The following KCNQ2 variants were observed in gnomAD, a reference collection of about 807,000 sequenced individuals.
The protein encoded by KCNQ2 is potassium voltage-gated channel subfamily KQT member 2.
Under a neutral mutation model 84.8 loss-of-function variants are expected in KCNQ2, and 14 were observed. That is an observed-to-expected ratio of 0.17 (90% confidence interval 0.11 to 0.26). The LOEUF (loss-of-function observed/expected upper bound fraction) is 0.26. Ranked by LOEUF, KCNQ2 falls within the 10% of genes least tolerant of loss-of-function variation. The pLI, the probability that KCNQ2 is intolerant of heterozygous loss-of-function variation, is 1.00. For synonymous variants in KCNQ2, 599 were observed against 554.1 expected (o/e 1.08, Z -1.14); for missense variants, 788 against 1,254.0 (o/e 0.63, Z 5.61).
chr20:63,408,663 G>A lies in KCNQ2; in HGVS notation c.1764-127C>T. 2.1e-6 allele frequency: 3 copies of A among 1,421,752 alleles called. No homozygotes were observed. The highest frequency in any genetic ancestry group is 1.9e-6 in the Non-Finnish European group (2 of 1,042,342). The allele number at this position is 1,421,752 out of a possible 1,614,324, so 88.1% of individuals were successfully genotyped here. Reference sequence around the variant, plus strand: ...CAGGCTCAGCCCAGAGCCGACCAGGGGGCAGTGGGTGCCAGGACAGATGGA... The same window carrying A: ...CAGGCTCAGCCCAGAGCCGACCAGGAGGCAGTGGGTGCCAGGACAGATGGA... On this transcript the variant is annotated intron_variant, in intron 15 of 16. Coordinates refer to ENST00000359125, the MANE Select transcript of KCNQ2 (RefSeq NM_172107.4). This position sits in a 1 kb window ranked among gnomAD's most constrained non-coding sequence, Gnocchi z 5.0.
intron 7 of KCNQ2, among the ~76,000 whole-genome samples, chr20:63,437,111 C>T (rs1600744961): frequency 6.6e-6 from 1 of 152,092 alleles, no homozygotes; most frequent in Non-Finnish European, 1.5e-5. Flanking sequence ...ACTGGGAAAC[C>T]ACGAAATTTG....
At chr20:63,450,239 T>C (rs1452924997) in intron 1 of KCNQ2, among the ~76,000 whole-genome samples, 3 of 146,538 alleles carry the variant, frequency 2.0e-5, no homozygotes, top group Admixed American at 2.0e-4. Context: ...CGGAGGGACC[T>C]AGACGAAACC....
chr20:63,432,308 AGAAGGCTCCACCCTCTGG>A (rs1343605618), intron 8 of KCNQ2, among the ~76,000 whole-genome samples: 2 of 74,340 alleles, frequency 2.7e-5, no homozygotes, highest in African/African-American at 1.1e-4. Flanking sequence ...CCACCCACAG[AGAAGGCTCCACCCTCTGG>A]GAAGGCTCCA....
At chr20:63,429,419 T>C (rs917152548) in intron 9 of KCNQ2, among the ~76,000 whole-genome samples, 11 of 152,044 alleles carry the variant, frequency 7.2e-5, no homozygotes, top group African/African-American at 2.7e-4. Context: ...GTCTCTCCTC[T>C]GCGTTGGAGG....
intron 11 of KCNQ2, among the ~76,000 whole-genome samples, chr20:63,421,343 G>A (rs1319466036): frequency 2.0e-5 from 3 of 152,332 alleles, no homozygotes; most frequent in South Asian, 4.1e-4. Context: ...ACAGCCACAT[G>A]TGGCTGGCAG....
At chr20:63,468,153 A>G (rs988669802) in intron 1 of KCNQ2, among the ~76,000 whole-genome samples, 9 of 152,004 alleles carry the variant, frequency 5.9e-5, no homozygotes, top group African/African-American at 2.2e-4. Flanking sequence ...GGGTCCAGGA[A>G]CCAGAGAAAT....
Position 63,446,973 on chromosome 20 carries a change from C to T in KCNQ2, c.297-136G>A. ...ATGGCCGCGTCTCCAGAACGCAGGACCCCACTCCCCACCCACCCCACCAGA... is the reference window on the plus strand; with the variant it reads ...ATGGCCGCGTCTCCAGAACGCAGGATCCCACTCCCCACCCACCCCACCAGA... On this transcript the variant is annotated intron_variant, in intron 1 of 16. Transcript: ENST00000359125. The surrounding 1 kb of genome is among the most constrained non-coding windows in gnomAD (Gnocchi z 5.5). The T allele has an allele frequency of 1.3e-6, 1 of 761,488 alleles. No individual in the cohort carries two copies. The highest frequency in any genetic ancestry group is 2.3e-6 in the Non-Finnish European group (1 of 437,962). The allele number at this position is 761,488 out of a possible 1,614,324, so 47.2% of individuals were successfully genotyped here. A position where few individuals can be genotyped will look rare whatever the true frequency, so the allele number is the denominator to read the frequency against.
Position 63,405,106 on chromosome 20 carries a change from T to G in KCNQ2, c.*1538A>C, listed in dbSNP as rs924060825. On this transcript the variant is annotated 3_prime_UTR_variant, in exon 17 of 17. Transcript: ENST00000359125. ...TCTCCCTCAGGACTGGTTCCCCTGC[T>G]GGCCTCAGGGCCTCAGGACCTCCCA... The G allele has an allele frequency of 6.6e-6, 1 of 152,286 alleles. No individual in the cohort carries two copies. The highest frequency in any genetic ancestry group is 1.5e-5 in the Non-Finnish European group (1 of 68,116). 9.4% of individuals were successfully genotyped at this position (152,286 alleles called of 1,614,324 possible). A position where few individuals can be genotyped will look rare whatever the true frequency, so the allele number is the denominator to read the frequency against.
intron 1 of KCNQ2, among the ~76,000 whole-genome samples, chr20:63,469,671 G>T (rs909302473): frequency 6.6e-6 from 1 of 152,266 alleles, no homozygotes; most frequent in African/African-American, 2.4e-5. Context: ...AGCCACAGCT[G>T]GGTGCGGCAG....
intron 1 of KCNQ2, among the ~76,000 whole-genome samples, chr20:63,454,499 G>C (rs746599786): frequency 1.3e-5 from 2 of 152,214 alleles, no homozygotes; most frequent in Admixed American, 6.5e-5. Context: ...TGCCTCGGCC[G>C]TGGCTCCAGG....
intron 1 of KCNQ2, among the ~76,000 whole-genome samples, chr20:63,455,597 G>A (rs1195618530): frequency 1.3e-5 from 2 of 152,206 alleles, no homozygotes; most frequent in African/African-American, 4.8e-5. Context: ...GTTGGGGCAG[G>A]GAGGGGCCCA....
Position 63,431,373 on chromosome 20 carries a change from T to C in KCNQ2, c.1119-4A>G, listed in dbSNP as rs749744963. The C allele has an allele frequency of 6.2e-7, 1 of 1,613,730 alleles. No homozygotes were observed. Among genetic ancestry groups the C allele is most frequent in the East Asian group, 2.2e-5 (1 of 44,870 alleles). ...CCCGTAGGTTTGAGTTTGCGAACTT[T>C]CAAGTGTTTCCACACACACAAAGGG... On this transcript the variant is annotated splice_region_variant and splice_polypyrimidine_tract_variant and intron_variant, in intron 8 of 16. Transcript: ENST00000359125.
chr20:63,431,437 A>T, intron 8 of KCNQ2, 68 bp from the exon 9 acceptor site: 1 of 1,532,456 alleles, frequency 6.5e-7, no homozygotes, highest in Admixed American at 1.7e-5. Flanking sequence ...GGATAAGAAA[A>T]AGAAAATGAA....
At chr20:63,465,365 G>C (rs952138044) in intron 1 of KCNQ2, among the ~76,000 whole-genome samples, 9 of 152,238 alleles carry the variant, frequency 5.9e-5, no homozygotes, top group African/African-American at 1.7e-4. Context: ...GGGCTTCTCA[G>C]GGCCCACCCG....
In KCNQ2 at chr20:63,433,871, CGA is replaced by C; in HGVS notation, c.1054_1055del (p.Ser352AlafsTer48). 6.2e-7 allele frequency: 1 copy of C among 1,613,736 alleles called. No individual in the cohort carries two copies. Among genetic ancestry groups the C allele is most frequent in the Non-Finnish European group, 8.5e-7 (1 of 1,179,888 alleles). ...SAWRFYATNL[S>X]RTDLHSTWQY... is the part of the protein sequence containing the mutation. ...GCCACGTGGAGTGCAGGTCTGTGCG[CGA>C]GAGGTTGGTGGCGTAGAATCTCCAG... On this transcript the variant is annotated frameshift_variant, in exon 8 of 17. Coordinates refer to ENST00000359125, the MANE Select transcript of KCNQ2 (RefSeq NM_172107.4). LOFTEE classifies it high-confidence loss of function.
intron 8 of KCNQ2, among the ~76,000 whole-genome samples, chr20:63,433,215 G>A (rs888159045): frequency 6.6e-6 from 1 of 152,230 alleles, no homozygotes; most frequent in Non-Finnish European, 1.5e-5. Context: ...TGCTAGCACT[G>A]CCTCGACAGG....
At chr20:63,411,503 T>C (rs2145522681) in intron 15 of KCNQ2, among the ~76,000 whole-genome samples, 1 of 152,122 alleles carries the variant, frequency 6.6e-6, no homozygotes, top group African/African-American at 2.4e-5. Context: ...CAGAGGGAAA[T>C]CTCACAGGGC....
At chr20:63,410,011 T>G in intron 15 of KCNQ2, 2 of 284,270 alleles carry the variant, frequency 7.0e-6, no homozygotes, top group Non-Finnish European at 1.4e-5. Flanking sequence ...ATCTTCTTTC[T>G]GTTGCGAGAA....
rs2079863487 is a variant in KCNQ2 at position 63,403,991 on chromosome 20, CTT to C, written c.*2651_*2652del. 6.6e-6 allele frequency: 1 copy of C among 152,380 alleles called. No individual in the cohort carries two copies. 9.4% of individuals were successfully genotyped at this position (152,380 alleles called of 1,614,324 possible). ...GGGGCCCAAGACAGACCCTCTACCC[CTT>C]TGTCTCCCAAAACAGGGCCCCGCAA... On this transcript the variant is annotated 3_prime_UTR_variant, in exon 17 of 17. Coordinates refer to ENST00000359125, the MANE Select transcript of KCNQ2 (RefSeq NM_172107.4).
Sources: gnomAD v4.1 joint callset for allele counts (sites outside exome capture counted in the v4.1 genomes callset) on GRCh38, gnomAD v4.1.1 for gene constraint, Gnocchi (gnomAD v3.1) non-coding constraint, MANE v1.5 for transcripts, NCBI Gene and HGNC (gene_info 2026-07-23, HGNC 2026-07-21) for gene names.